The following CSMD3 variants were observed in gnomAD, a reference collection of about 807,000 sequenced individuals.
CSMD3 encodes CUB and Sushi multiple domains 3.
In CSMD3, 177 loss-of-function variants were observed where a neutral mutation model predicts 435.2. That is an observed-to-expected ratio of 0.41 (90% CI 0.36 to 0.46). The LOEUF (loss-of-function observed/expected upper bound fraction) is 0.46, where lower values mean the gene tolerates loss of function less well. Ranked by LOEUF, CSMD3 falls within the 20% of genes least tolerant of loss-of-function variation. The pLI, the probability that CSMD3 is intolerant of heterozygous loss-of-function variation, is 0.34. For synonymous variants in CSMD3, 1,656 were observed against 1,520.5 expected (o/e 1.09, Z -2.07); for missense variants, 4,265 against 4,504.6 (o/e 0.95, Z 1.52).
intron 5 of CSMD3, among the ~76,000 whole-genome samples, chr8:113,060,953 C>T (rs1189878972): frequency 6.6e-6 from 1 of 152,124 alleles, no homozygotes; most frequent in Non-Finnish European, 1.5e-5. Flanking sequence ...TACATATCAT[C>T]TCTATTTCTT....
At chr8:113,007,716 A>G (rs2131105700) in intron 6 of CSMD3, among the ~76,000 whole-genome samples, 1 of 152,026 alleles carries the variant, frequency 6.6e-6, no homozygotes, top group South Asian at 2.1e-4. Context: ...TCTTCCATCA[A>G]GCTGAAATGA....
chr8:113,352,695 G>A (rs2094197953), intron 1 of CSMD3, among the ~76,000 whole-genome samples: 1 of 151,980 alleles, frequency 6.6e-6, no homozygotes, highest in African/African-American at 2.4e-5. Flanking sequence ...GAACAGACAA[G>A]ACAAAGACTG....
intron 1 of CSMD3, among the ~76,000 whole-genome samples, chr8:113,423,958 T>G (rs2094621884): frequency 6.6e-6 from 1 of 151,852 alleles, no homozygotes; most frequent in African/African-American, 2.4e-5. Flanking sequence ...ATTTTGAGAT[T>G]TAGTAATAGG....
chr8:112,618,197 A>C (rs1440600715), intron 22 of CSMD3, among the ~76,000 whole-genome samples: 5 of 152,152 alleles, frequency 3.3e-5, no homozygotes, highest in Non-Finnish European at 5.9e-5. Flanking sequence ...TCTTCAATCA[A>C]AGAATGGTTT....
chr8:112,906,889 T>C (rs1386383715), intron 10 of CSMD3, among the ~76,000 whole-genome samples: 2 of 151,550 alleles, frequency 1.3e-5, no homozygotes, highest in Admixed American at 6.6e-5. Flanking sequence ...AGCTAGTTAA[T>C]GTGTGAATGA....
chr8:113,165,185 C>A (rs1424840410), intron 4 of CSMD3, among the ~76,000 whole-genome samples: 1 of 152,100 alleles, frequency 6.6e-6, no homozygotes. Context: ...CTCTTTAAGA[C>A]ATGGGCCTAT....
chr8:112,756,714 G>T (rs575531076), intron 13 of CSMD3, among the ~76,000 whole-genome samples: 3 of 151,802 alleles, frequency 2.0e-5, no homozygotes, highest in Non-Finnish European at 4.4e-5. Flanking sequence ...ATGGATTGAG[G>T]AAAGAGTTCC....
At chr8:113,231,820 T>A (rs2132191510) in intron 3 of CSMD3, among the ~76,000 whole-genome samples, 1 of 151,610 alleles carries the variant, frequency 6.6e-6, no homozygotes, top group Non-Finnish European at 1.5e-5. Flanking sequence ...ACAACTGGTA[T>A]AACATGAAAA....
chr8:113,303,526 A>G (rs2093791754), intron 2 of CSMD3, among the ~76,000 whole-genome samples: 2 of 150,914 alleles, frequency 1.3e-5, no homozygotes, highest in South Asian at 2.1e-4. Flanking sequence ...ACAAGGCTAC[A>G]GTAACCAAAA....
intron 1 of CSMD3, among the ~76,000 whole-genome samples, chr8:113,341,474 C>T (rs2094118302): frequency 6.6e-6 from 1 of 152,080 alleles, no homozygotes; most frequent in Non-Finnish European, 1.5e-5. Flanking sequence ...GAGCTAGATG[C>T]CACACACTGT....
chr8:112,372,736 C>T (rs1828527660), intron 38 of CSMD3, among the ~76,000 whole-genome samples: 1 of 151,750 alleles, frequency 6.6e-6, no homozygotes, highest in African/African-American at 2.4e-5. Flanking sequence ...GTAGTCCCAG[C>T]TACTCAGGAG....
At chr8:112,823,879 T>G (rs1237155157) in intron 12 of CSMD3, among the ~76,000 whole-genome samples, 2 of 152,166 alleles carry the variant, frequency 1.3e-5, no homozygotes, top group Admixed American at 1.3e-4. Flanking sequence ...ATATCCTTGT[T>G]AATTTTCTCT....
At chr8:113,050,771 T>C (rs1446212172) in intron 5 of CSMD3, among the ~76,000 whole-genome samples, 2 of 152,214 alleles carry the variant, frequency 1.3e-5, no homozygotes, top group East Asian at 1.9e-4. Flanking sequence ...AAAATAAATA[T>C]ATGTGAAGTC....
At chr8:112,238,565 A>G (rs1201996043) in intron 66 of CSMD3, among the ~76,000 whole-genome samples, 1 of 152,042 alleles carries the variant, frequency 6.6e-6, no homozygotes, top group Non-Finnish European at 1.5e-5. Flanking sequence ...ACTTTGGAGT[A>G]ATGTAATCAC....
intron 5 of CSMD3, among the ~76,000 whole-genome samples, chr8:113,086,552 G>A (rs2089787802): frequency 6.6e-6 from 1 of 151,942 alleles, no homozygotes; most frequent in South Asian, 2.1e-4. Flanking sequence ...TTTGACTTGT[G>A]TAATTCTAAT....
chr8:112,607,907 C>T (rs554486583), intron 22 of CSMD3, among the ~76,000 whole-genome samples: 10 of 152,008 alleles, frequency 6.6e-5, no homozygotes, highest in Non-Finnish European at 1.2e-4. Context: ...GACAAGAATG[C>T]CCACTCTCAC....
intron 26 of CSMD3, among the ~76,000 whole-genome samples, 153 bp downstream of exon 26, chr8:112,552,441 G>C (rs983188650): frequency 6.6e-6 from 1 of 152,040 alleles, no homozygotes; most frequent in Non-Finnish European, 1.5e-5. Context: ...AGCCGAGATC[G>C]AGCCCTGCCT....
chr8:113,103,312 C>T (rs1037842076), intron 4 of CSMD3, among the ~76,000 whole-genome samples: 1 of 152,118 alleles, frequency 6.6e-6, no homozygotes, highest in Non-Finnish European at 1.5e-5. Flanking sequence ...GGTGGATTCT[C>T]TACTCTTGTT....
intron 2 of CSMD3, among the ~76,000 whole-genome samples, chr8:113,296,041 G>GC (rs1167883059): frequency 6.6e-6 from 1 of 151,678 alleles, no homozygotes; most frequent in Non-Finnish European, 1.5e-5. Context: ...GCAAACTATC[G>GC]CAAGGACAAA....
Sources: gnomAD v4.1 joint callset for allele counts (sites outside exome capture counted in the v4.1 genomes callset) on GRCh38, gnomAD v4.1.1 for gene constraint, MANE v1.5 for transcripts, NCBI Gene and HGNC (gene_info 2026-07-23, HGNC 2026-07-21) for gene names.